UBE2D3: variants seen among roughly 807,000 people sequenced by gnomAD.
UBE2D3 encodes the protein ubiquitin conjugating enzyme E2 D3, also known as ubiquitin-conjugating enzyme E2 D3.
UBE2D3 carries 2 observed loss-of-function variants against 22.8 expected under a neutral mutation model. That is an observed-to-expected ratio of 0.09 (90% CI 0.04 to 0.28). UBE2D3 has a LOEUF of 0.28. Among genes scored for constraint, UBE2D3 ranks in the 10% least tolerant of loss-of-function variants. UBE2D3 has a pLI of 1.00. For missense variants in UBE2D3, 27 were observed against 182.5 expected (o/e 0.15, Z 4.91); for synonymous variants, 56 against 60.4 (o/e 0.93, Z 0.34).
chr4:102,853,787 T>G (rs1001151077), intron 1 of UBE2D3, among the ~76,000 whole-genome samples: 1 of 152,144 alleles, frequency 6.6e-6, no homozygotes, highest in Non-Finnish European at 1.5e-5. Context: ...AACTATCTAT[T>G]CAAAAAGGAA....
intron 1 of UBE2D3, among the ~76,000 whole-genome samples, chr4:102,855,595 A>C (rs1732581549): frequency 6.6e-6 from 1 of 152,060 alleles, no homozygotes; most frequent in African/African-American, 2.4e-5. Flanking sequence ...TAATTTTTAG[A>C]ATATTGTTTA....
chr4:102,826,834 C>A (rs988006150), intron 1 of UBE2D3, 198 bp from the exon 2 acceptor site: 9 of 1,175,710 alleles, frequency 7.7e-6, no homozygotes, highest in Non-Finnish European at 9.5e-6. Context: ...ACAAGTTTAA[C>A]TTCCCGGCCT....
chr4:102,807,988 G>A (rs1387122400), intron 4 of UBE2D3, among the ~76,000 whole-genome samples: 4 of 152,120 alleles, frequency 2.6e-5, no homozygotes, highest in East Asian at 3.8e-4. Context: ...TCTTAGTATT[G>A]ACAATTTTTA....
At chr4:102,828,601 G>C (rs1162264769), upstream of UBE2D3, among the ~76,000 whole-genome samples, 1 of 152,226 alleles carries the variant, frequency 6.6e-6, no homozygotes, top group Non-Finnish European at 1.5e-5. Flanking sequence ...CCAAGGTGTA[G>C]ATGTGGGAAC....
chr4:102,811,605 TGGGA>T (rs1339895377), intron 2 of UBE2D3: 2 of 308,588 alleles, frequency 6.5e-6, no homozygotes, highest in African/African-American at 2.3e-5. Flanking sequence ...CACTTGAACC[TGGGA>T]GGGAGAGGCT....
intron 4 of UBE2D3, among the ~76,000 whole-genome samples, chr4:102,804,982 G>T (rs1269269948): frequency 6.6e-6 from 1 of 152,102 alleles, no homozygotes; most frequent in African/African-American, 2.4e-5. Context: ...ACCATGCCCG[G>T]CCCCAAACAT....
At chr4:102,828,032 G>A (rs960549634), upstream of UBE2D3, 13 of 985,338 alleles carry the variant, frequency 1.3e-5, no homozygotes, top group African/African-American at 5.2e-5. Flanking sequence ...AGTTTTGTGC[G>A]CTTTTCCTGA....
chr4:102,820,281 A>G (rs1729390936), intron 2 of UBE2D3, among the ~76,000 whole-genome samples: 2 of 152,250 alleles, frequency 1.3e-5, no homozygotes, highest in South Asian at 4.1e-4. Flanking sequence ...GTAGATGCGA[A>G]TATCAAGGCA....
chr4:102,822,898 T>C (rs1340274155), intron 2 of UBE2D3, among the ~76,000 whole-genome samples: 3 of 147,838 alleles, frequency 2.0e-5, no homozygotes, highest in South Asian at 4.3e-4. Flanking sequence ...ATCGCGCCAC[T>C]GCACTCCAGC....
chr4:102,798,279 A>AATATATATATATATATATATATAT (rs10526258), intron 7 of UBE2D3, among the ~76,000 whole-genome samples: 4,292 of 110,970 alleles, frequency 0.039, 467 homozygotes, highest in African/African-American at 0.074. Context: ...TTAAGAAATG[A>AATATATATATATATATATATATAT]ATATATATAT....
intron 5 of UBE2D3, chr4:102,801,813 A>C: frequency 3.6e-6 from 1 of 275,000 alleles, no homozygotes; most frequent in Non-Finnish European, 6.8e-6. Context: ...GCCCTACCAT[A>C]TCATGAATCA....
chr4:102,835,787 T>TAC (rs58770358), intron 1 of UBE2D3, among the ~76,000 whole-genome samples: 233 of 152,052 alleles, frequency 1.5e-3, no homozygotes, highest in African/African-American at 5.3e-3. Flanking sequence ...CATATATATA[T>TAC]ACCCATGAAG....
At chr4:102,846,182 T>G (rs223363) in intron 1 of UBE2D3, among the ~76,000 whole-genome samples, 82,677 of 151,990 alleles carry the variant, frequency 0.54, 23,084 homozygotes, top group African/African-American at 0.68. Flanking sequence ...TCCACTACAG[T>G]GTTTACCACC....
intron 1 of UBE2D3, among the ~76,000 whole-genome samples, chr4:102,835,716 T>C (rs1256628863): frequency 6.6e-6 from 1 of 152,204 alleles, no homozygotes; most frequent in African/African-American, 2.4e-5. Flanking sequence ...AACAGCTTTA[T>C]TGAAATATAA....
intron 1 of UBE2D3, among the ~76,000 whole-genome samples, chr4:102,847,719 C>A (rs559236031): frequency 2.6e-5 from 4 of 152,060 alleles, no homozygotes; most frequent in African/African-American, 9.7e-5. Flanking sequence ...TCATAGCTTA[C>A]GGCAGCCTCA....
chr4:102,866,494 T>C (rs781214507), intron 1 of UBE2D3, among the ~76,000 whole-genome samples: 1 of 152,210 alleles, frequency 6.6e-6, no homozygotes, highest in Non-Finnish European at 1.5e-5. Flanking sequence ...ATTCTGTATA[T>C]TGATGTGGGT....
intron 1 of UBE2D3, among the ~76,000 whole-genome samples, chr4:102,838,537 C>A (rs1200648937): frequency 6.6e-6 from 1 of 152,080 alleles, no homozygotes; most frequent in Non-Finnish European, 1.5e-5. Context: ...AATGAATAAT[C>A]GAGGCATCAG....
rs1309850126 is a variant in UBE2D3, at chr4:102,826,553, C to G, written c.-45G>C. The G allele has an allele frequency of 6.2e-7, 1 of 1,611,062 alleles. No homozygotes were observed. The highest frequency in any genetic ancestry group is 1.7e-5 in the Admixed American group (1 of 59,862). ...GCTCCTCACTCTCTCGGTGTATGCT[C>G]AAAGGTCCGGCCAAAACTCTTGATT... On this transcript the variant is annotated 5_prime_UTR_variant, in exon 2 of 8. Coordinates refer to ENST00000453744, the MANE Select transcript of UBE2D3 (RefSeq NM_181891.3).
intron 2 of UBE2D3, among the ~76,000 whole-genome samples, chr4:102,813,330 G>A (rs544715661): frequency 1.3e-5 from 2 of 152,238 alleles, no homozygotes; most frequent in South Asian, 4.1e-4. Context: ...GGAGTTGCAG[G>A]TACGCATCAC....
Sources: allele counts gnomAD v4.1 joint callset (sites outside exome capture counted in the v4.1 genomes callset), GRCh38; gene constraint gnomAD v4.1.1; transcripts MANE v1.5; gene names NCBI Gene and HGNC (gene_info 2026-07-23, HGNC 2026-07-21).